Variants in LARS1 observed in about 807,000 individuals in gnomAD.
LARS1 encodes leucine--tRNA ligase, cytoplasmic.
Under a neutral mutation model 162.8 loss-of-function variants are expected in LARS1, and 100 were observed. That is an observed-to-expected ratio of 0.61 (90% CI 0.52 to 0.73). The LOEUF (loss-of-function observed/expected upper bound fraction) is 0.73, where lower values mean the gene tolerates loss of function less well. Ranked by LOEUF, LARS1 falls within the 30% of genes least tolerant of loss-of-function variation. The pLI is 0.00. For synonymous variants in LARS1, 457 were observed against 462.8 expected, an observed-to-expected ratio of 0.99 and a Z score of 0.16; for missense variants, 1,258 against 1,408.9, an observed-to-expected ratio of 0.89 and a Z score of 1.71.
chr5:146,122,520 C>T lies in LARS1; in HGVS notation c.3164G>A (p.Gly1055Glu), dbSNP rs765576181. ...EDKIREDCCP[G>E]KPLNVFRIEP... Reference sequence around the variant, plus strand: ...TATTCTAAAAACATTAAGTGGTTTCCCAGGACAGCAGTCTTCCCTGATTTT... The same window carrying T: ...TATTCTAAAAACATTAAGTGGTTTCTCAGGACAGCAGTCTTCCCTGATTTT... The change falls in exon 30 of 32, where the codon GGG becomes GAG. Residue 1055 changes from glycine to glutamate, a missense_variant. Transcript: ENST00000394434. The T allele has an allele frequency of 5.0e-6, 8 of 1,606,276 alleles. No individual in the cohort carries two copies. In the South Asian group the frequency reaches 8.8e-5, roughly 18 times the overall value.
At chr5:146,169,652 G>A (rs572167970) in intron 4 of LARS1, among the ~76,000 whole-genome samples, 71 of 151,906 alleles carry the variant, frequency 4.7e-4, no homozygotes, top group African/African-American at 1.5e-3. Flanking sequence ...GGGTTCAAGC[G>A]ATTCTCCTGA....
chr5:146,144,156 G>C, intron 18 of LARS1, 111 bp downstream of exon 18: 1 of 762,894 alleles, frequency 1.3e-6, no homozygotes, highest in South Asian at 1.9e-5. Flanking sequence ...GAAACTTACT[G>C]CTTTCAATTC....
intron 8 of LARS1, among the ~76,000 whole-genome samples, chr5:146,158,900 T>C (rs1405242322): frequency 1.3e-5 from 2 of 151,988 alleles, no homozygotes; most frequent in South Asian, 4.2e-4. Context: ...ATCGAGACCA[T>C]CCTGGCTAAC....
chr5:146,139,578 TA>T (rs1752669837), intron 21 of LARS1: 3 of 151,822 alleles, frequency 2.0e-5, no homozygotes, highest in African/African-American at 7.3e-5. Context: ...ATTTTAAAGA[TA>T]AAAATTAATT....
At chr5:146,158,203 A>T (rs1753618045) in intron 8 of LARS1, among the ~76,000 whole-genome samples, 1 of 152,212 alleles carries the variant, frequency 6.6e-6, no homozygotes. Flanking sequence ...CCTTATTGGT[A>T]AAATAAGGAT....
chr5:146,124,827 AT>A (rs1393482964), intron 28 of LARS1, among the ~76,000 whole-genome samples: 1 of 151,838 alleles, frequency 6.6e-6, no homozygotes, highest in Admixed American at 6.6e-5. Context: ...CTAGAAAGTC[AT>A]TTTCTTATTC....
At chr5:146,167,186 T>C (rs935630573) in intron 5 of LARS1, among the ~76,000 whole-genome samples, 1 of 152,146 alleles carries the variant, frequency 6.6e-6, no homozygotes, top group African/African-American at 2.4e-5. Context: ...GGATCCTGGA[T>C]TGGACATTGG....
chr5:146,154,965 C>T (rs1753456052), intron 10 of LARS1, among the ~76,000 whole-genome samples: 1 of 151,732 alleles, frequency 6.6e-6, no homozygotes. Context: ...GCGATTCCTG[C>T]CTCAGCCTCC....
At chr5:146,172,921 A>G (rs1250123126) in intron 2 of LARS1, 147 bp from the exon 3 acceptor site, 1 of 426,294 alleles carries the variant, frequency 2.3e-6, no homozygotes, top group Non-Finnish European at 4.2e-6. Context: ...TAAATCTACA[A>G]ATTTAAAACT....
rs73317828 is a variant in LARS1, at chr5:146,171,852, G to C, written c.294+58C>G. 7.3e-3 allele frequency: 8,773 copies of C among 1,208,842 alleles called. 261 individuals carry two copies. In the African/African-American group the frequency reaches 0.087, roughly 12 times the overall value. The allele number at this position is 1,208,842 out of a possible 1,614,324, so 74.9% of individuals were successfully genotyped here. On this transcript the variant is annotated intron_variant, in intron 4 of 31. Transcript: ENST00000394434. ...AAAATCCTTTTAAGCTCTTGAATTG[G>C]GTATTACTATTTGCTCCAACTAAAA...
chr5:146,115,712 A>G (rs73315722), intron 31 of LARS1, among the ~76,000 whole-genome samples: 2,319 of 152,114 alleles, frequency 0.015, 57 homozygotes, highest in African/African-American at 0.052. Flanking sequence ...CCAACATCAA[A>G]TGGTTTTATT....
chr5:146,138,745 A>G, intron 21 of LARS1: 1 of 159,926 alleles, frequency 6.3e-6, no homozygotes, highest in Non-Finnish European at 1.4e-5. Context: ...AAAAAAAAAG[A>G]AAGAAAAAGA....
At chr5:146,152,041 T>C (rs369179930) in intron 13 of LARS1, 39 bp from the exon 14 acceptor site, 34 of 1,610,542 alleles carry the variant, frequency 2.1e-5, no homozygotes, top group Non-Finnish European at 2.7e-5. Context: ...TCACACTGAC[T>C]GGACACACAG....
rs1452308359 is a variant in LARS1, at chr5:146,143,401, T to C, written c.1877+11A>G. 6.2e-7 allele frequency: 1 copy of C among 1,606,822 alleles called. No individual in the cohort carries two copies. The highest frequency in any genetic ancestry group is 8.5e-7 in the Non-Finnish European group (1 of 1,175,564). ...ACAAATTATGCTCCTTTCCCTTATC[T>C]GTTTACCAACCTAATGCCCAGCGGA... On this transcript the variant is annotated intron_variant, in intron 19 of 31. Transcript: ENST00000394434.
chr5:146,141,019 G>C (rs1204406320), intron 20 of LARS1, among the ~76,000 whole-genome samples: 1 of 152,132 alleles, frequency 6.6e-6, no homozygotes, highest in Non-Finnish European at 1.5e-5. Flanking sequence ...GAAACCAATA[G>C]CATCATGATG....
intron 21 of LARS1, among the ~76,000 whole-genome samples, chr5:146,136,273 G>A (rs1165510021): frequency 2.0e-5 from 3 of 152,160 alleles, no homozygotes; most frequent in Non-Finnish European, 2.9e-5. Context: ...TACATATCTT[G>A]TTCTAATAAA....
Position 146,174,650 on chromosome 5 carries a change from A to T in LARS1, c.126-1876T>A, listed in dbSNP as rs1218145107. ...AATAAGCAAGGAAAAAAGACTTTTG[A>T]ATCAGAAAGTCCTAAAAACAAGCCC... is the stretch of plus-strand genomic sequence containing the variant. On this transcript the variant is annotated intron_variant, in intron 2 of 31. Coordinates refer to ENST00000394434, the MANE Select transcript of LARS1 (RefSeq NM_020117.11). Among the ~76,000 whole-genome samples, 3 of 147,896 alleles carry T rather than the reference A, an allele frequency of 2.0e-5. No homozygotes were observed. The Admixed American group carries it at 2.1e-4, about 11-fold the overall frequency.
In LARS1 at chr5:146,157,823, G is replaced by C. The variant is rs1001583391; in HGVS notation, c.772-28C>G. 15 of 1,604,992 alleles carry C rather than the reference G, an allele frequency of 9.3e-6. No individual in the cohort carries two copies. The African/African-American group carries it at 1.9e-4, about 20-fold the overall frequency. ...AAGCAAATAAACGATACAAAAATTTGAAGGAAAAAAAAGACTTGCCTTAAA... is the reference window on the plus strand; with the variant it reads ...AAGCAAATAAACGATACAAAAATTTCAAGGAAAAAAAAGACTTGCCTTAAA... On this transcript the variant is annotated intron_variant, in intron 8 of 31. Coordinates refer to ENST00000394434, the MANE Select transcript of LARS1 (RefSeq NM_020117.11).
intron 29 of LARS1, among the ~76,000 whole-genome samples, chr5:146,123,280 T>C (rs900816931): frequency 6.6e-6 from 1 of 151,982 alleles, no homozygotes; most frequent in Non-Finnish European, 1.5e-5. Flanking sequence ...AACAGTTTTC[T>C]AGAGCACATG....
Sources: gnomAD v4.1 joint callset for allele counts (sites outside exome capture counted in the v4.1 genomes callset) on GRCh38, gnomAD v4.1.1 for gene constraint, MANE v1.5 for transcripts, NCBI Gene and HGNC (gene_info 2026-07-23, HGNC 2026-07-21) for gene names.